Variants in FBXO33 observed in about 807,000 individuals in gnomAD.
The protein encoded by FBXO33 is F-box protein 33, also known as F-box only protein 33.
In FBXO33, 22 loss-of-function variants were observed where a neutral mutation model predicts 46.3. The ratio of observed to expected loss-of-function variants is 0.48; its 90% CI spans 0.34 to 0.68. The LOEUF (loss-of-function observed/expected upper bound fraction) is 0.68, where lower values mean the gene tolerates loss of function less well. Ranked by LOEUF, FBXO33 falls within the 30% of genes least tolerant of loss-of-function variation. FBXO33 has a pLI of 0.01. For synonymous variants in FBXO33, 337 were observed against 291.3 expected, an observed-to-expected ratio of 1.16 and a Z score of -1.60; for missense variants, 692 against 708.8, an observed-to-expected ratio of 0.98 and a Z score of 0.27.
Position 39,399,593 on chromosome 14 carries a change from T to A in FBXO33, c.1591A>T (p.Ile531Phe), listed in dbSNP as rs748128443. Residue 531 changes from isoleucine to phenylalanine, a missense_variant, in exon 4 of 4, where the codon ATC (isoleucine) becomes TTC (phenylalanine). This residue lies in a region of FBXO33 where 94 missense variants were observed against 91.9 expected (regional missense o/e 1.02). Transcript: ENST00000298097. Reference sequence around the variant, plus strand: ...TCAGTGAAGACACTGAGTGATTCGATGTCCATGACTGCATGCCAAGGTTGA... The same window carrying A: ...TCAGTGAAGACACTGAGTGATTCGAAGTCCATGACTGCATGCCAAGGTTGA... ...LGQPWHAVMD[I>F]ESLSVFTEPN... 33 of 1,613,674 alleles carry A rather than the reference T, an allele frequency of 2.0e-5. No individual in the cohort carries two copies. Among genetic ancestry groups the A allele is most frequent in the Non-Finnish European group, 2.7e-5 (32 of 1,179,884 alleles).
chr14:39,401,025 A>AT (rs2075366147), intron 3 of FBXO33, 151 bp downstream of exon 3: 1 of 668,064 alleles, frequency 1.5e-6, no homozygotes, highest in Admixed American at 3.7e-5. Context: ...TGTAAGTGAT[A>AT]TATCTTGCAA....
chr14:39,399,839 C>T (rs1567071686), intron 3 of FBXO33, 52 bp from the exon 4 acceptor site: 5 of 1,465,518 alleles, frequency 3.4e-6, no homozygotes, highest in Non-Finnish European at 3.6e-6. Context: ...TTCCTTTTCT[C>T]TTTGGTAAGT....
rs772175274 is a variant in FBXO33, at chr14:39,431,687, C to T, written c.476G>A (p.Gly159Asp). ...CTCCCCTCCAGTCCCGGTGTCCGCG[C>T]CACCTCCGTCCCCTGGGCCACCGCC... ...LSGGGPGDGG[G>D]ADTGTGGEEV... Residue 159 changes from glycine (G) to aspartate (D), a missense_variant, in exon 1 of 4, where the codon GGC becomes GAC. Physicochemically the swap from Gly to Asp is moderately conservative, Grantham distance 94. This residue lies in a region of FBXO33 where 412 missense variants were observed against 370.8 expected (regional missense o/e 1.11). Coordinates refer to ENST00000298097, the MANE Select transcript of FBXO33 (RefSeq NM_203301.4). 3 of 1,613,504 alleles carry T rather than the reference C, an allele frequency of 1.9e-6. No individual in the cohort carries two copies. Among genetic ancestry groups the T allele is most frequent in the Admixed American group, 1.7e-5 (1 of 60,038 alleles).
At chr14:39,405,043 G>A (rs1433746910) in intron 1 of FBXO33, among the ~76,000 whole-genome samples, 3 of 151,584 alleles carry the variant, frequency 2.0e-5, no homozygotes, top group African/African-American at 7.3e-5. Flanking sequence ...AGCTACTTGG[G>A]AGGCTAAGGC....
intron 1 of FBXO33, among the ~76,000 whole-genome samples, chr14:39,414,298 TCA>T (rs1305522031): frequency 6.6e-6 from 1 of 152,234 alleles, no homozygotes; most frequent in African/African-American, 2.4e-5. Context: ...CTCTCAGCCT[TCA>T]CAGACTTGAA....
At chr14:39,418,668 G>A (rs551794597) in intron 1 of FBXO33, among the ~76,000 whole-genome samples, 5 of 151,108 alleles carry the variant, frequency 3.3e-5, no homozygotes, top group South Asian at 2.1e-4. Context: ...CCAGCTACTC[G>A]GGAGGCTGAG....
Position 39,420,491 on chromosome 14 carries a change from A to T in FBXO33, c.599+11073T>A, listed in dbSNP as rs182139122. 2.2e-3 allele frequency among the ~76,000 whole-genome samples: 336 copies of T among 152,198 alleles called. 1 individual carries two copies. The Middle Eastern group carries it at 0.024, about 11-fold the overall frequency. ...GGATCACGAGGTCAGATCGAGACCA[A>T]CCTGGCTAACACGGTGAAACCCCGT... On this transcript the variant is annotated intron_variant, in intron 1 of 3. Transcript: ENST00000298097.
rs1323987098 is a variant in FBXO33, at chr14:39,398,056, CAT to C, written c.*1458_*1459del. The stretch of plus-strand genomic sequence containing the variant: ...AGATGGTAAAACCATTTGTAAAACA[CAT>C]ATAAACTTTTTTCCATAAATAGAAT... On this transcript the variant is annotated 3_prime_UTR_variant, in exon 4 of 4. Transcript: ENST00000298097. The C allele has an allele frequency of 6.6e-6, 1 of 152,642 alleles. No individual in the cohort carries two copies. Among genetic ancestry groups the C allele is most frequent in the South Asian group, 2.1e-4 (1 of 4,836 alleles). The allele number at this position is 152,642 out of a possible 1,614,324, so 9.5% of individuals were successfully genotyped here. A position where few individuals can be genotyped will look rare whatever the true frequency, so the allele number is the denominator to read the frequency against.
chr14:39,406,026 G>C (rs896212373), intron 1 of FBXO33, among the ~76,000 whole-genome samples: 2 of 151,446 alleles, frequency 1.3e-5, no homozygotes, highest in South Asian at 2.1e-4. Context: ...TTGTGAGAAT[G>C]GCTTCCATAT....
chr14:39,399,850 C>A, intron 3 of FBXO33, 63 bp from the exon 4 acceptor site: 1 of 1,437,412 alleles, frequency 7.0e-7, no homozygotes, highest in Middle Eastern at 1.9e-4. Flanking sequence ...TTTGGTAAGT[C>A]TGTCTTTTCC....
chr14:39,413,550 G>A (rs2075433516), intron 1 of FBXO33, among the ~76,000 whole-genome samples: 1 of 152,082 alleles, frequency 6.6e-6, no homozygotes, highest in Non-Finnish European at 1.5e-5. Flanking sequence ...GTTTTTATAA[G>A]GTTTTCAGTT....
intron 3 of FBXO33, 102 bp downstream of exon 3, chr14:39,401,074 C>T (rs373322914): frequency 9.3e-7 from 1 of 1,069,554 alleles, no homozygotes; most frequent in African/African-American, 1.6e-5. Flanking sequence ...CAACTTGATA[C>T]AAGATTTCTT....
intron 1 of FBXO33, among the ~76,000 whole-genome samples, chr14:39,407,767 G>C (rs1239670810): frequency 6.6e-6 from 1 of 152,176 alleles, no homozygotes; most frequent in South Asian, 2.1e-4. Flanking sequence ...TGGGTGTGCA[G>C]ATATCTTTGA....
chr14:39,430,976 G>A (rs1251860526), intron 1 of FBXO33, among the ~76,000 whole-genome samples: 3 of 152,112 alleles, frequency 2.0e-5, no homozygotes, highest in South Asian at 2.1e-4. Flanking sequence ...TGGTGTATGG[G>A]GAGGGACTTT....
At position 39,432,398 on chromosome 14, in the gene FBXO33, C is replaced by T. The variant is rs557633984; in HGVS notation, c.-236G>A. On this transcript the variant is annotated 5_prime_UTR_variant, in exon 1 of 4. Transcript: ENST00000298097. ...AGGCGTACTGTAAGGAAAAGGCAGC[C>T]CTCCCTGCGCCGGTCGGCAGAGACA... 68 of 259,752 alleles carry T rather than the reference C, an allele frequency of 2.6e-4. No individual in the cohort carries two copies. The Admixed American group carries it at 3.7e-3, about 14-fold the overall frequency. The allele number at this position is 259,752 out of a possible 1,614,324, so 16.1% of individuals were successfully genotyped here. A position where few individuals can be genotyped will look rare whatever the true frequency, so the allele number is the denominator to read the frequency against.
chr14:39,413,184 C>T (rs1000391593), intron 1 of FBXO33, among the ~76,000 whole-genome samples: 5 of 152,240 alleles, frequency 3.3e-5, no homozygotes, highest in African/African-American at 4.8e-5. Flanking sequence ...GCTAAGTTTA[C>T]GGAATATTCT....
chr14:39,409,028 C>T (rs373830173), intron 1 of FBXO33, among the ~76,000 whole-genome samples: 2 of 152,104 alleles, frequency 1.3e-5, no homozygotes, highest in African/African-American at 4.8e-5. Flanking sequence ...CTGCCTGCCT[C>T]GGCCTCTTCA....
intron 1 of FBXO33, among the ~76,000 whole-genome samples, chr14:39,405,113 C>T (rs1365322985): frequency 1.3e-4 from 17 of 132,664 alleles, no homozygotes; most frequent in Non-Finnish European, 2.3e-4. Flanking sequence ...CACGCCATTG[C>T]GTGTGATTCT....
intron 1 of FBXO33, among the ~76,000 whole-genome samples, chr14:39,425,050 CA>C (rs907840415): frequency 1.9e-4 from 27 of 144,848 alleles, no homozygotes; most frequent in Non-Finnish European, 2.9e-4. Flanking sequence ...GACTCCATCT[CA>C]AAAAAAAAAA....
Sources: allele counts gnomAD v4.1 joint callset (sites outside exome capture counted in the v4.1 genomes callset), GRCh38; gene constraint gnomAD v4.1.1; regional missense constraint gnomAD v4.1.1; transcripts MANE v1.5; gene names NCBI Gene and HGNC (gene_info 2026-07-23, HGNC 2026-07-21).